Variants in ROBO2 observed in about 807,000 individuals in gnomAD.
ROBO2 encodes the protein roundabout guidance receptor 2.
ROBO2 carries 53 observed loss-of-function variants against 160.8 expected under a neutral mutation model. That is an observed-to-expected ratio of 0.33 (90% confidence interval 0.26 to 0.41). ROBO2 has a LOEUF of 0.41. Among genes scored for constraint, ROBO2 ranks in the 10% least tolerant of loss-of-function variants. ROBO2 has a pLI of 1.00. For synonymous variants in ROBO2, 664 were observed against 611.7 expected (o/e 1.09, Z -1.26); for missense variants, 1,577 against 1,722.4 (o/e 0.92, Z 1.49).
chr3:76,493,500 T>C (rs1456954828), intron 2 of ROBO2, among the ~76,000 whole-genome samples: 4 of 151,856 alleles, frequency 2.6e-5, no homozygotes, highest in Admixed American at 6.6e-5. Context: ...TGTTTGTCCA[T>C]ATCCAATTTT....
chr3:76,284,289 A>T (rs1708397451), intron 2 of ROBO2, among the ~76,000 whole-genome samples: 2 of 152,136 alleles, frequency 1.3e-5, no homozygotes, highest in African/African-American at 4.8e-5. Flanking sequence ...TATTCTGTTG[A>T]GAAGCTTGCC....
chr3:76,182,740 A>G (rs1701569902), intron 2 of ROBO2, among the ~76,000 whole-genome samples: 1 of 152,142 alleles, frequency 6.6e-6, no homozygotes, highest in Non-Finnish European at 1.5e-5. Flanking sequence ...CAAAACTAAT[A>G]TCCTTCCTTG....
At chr3:77,052,167 T>G (rs2149700144) in intron 1 of ROBO2, among the ~76,000 whole-genome samples, 1 of 152,318 alleles carries the variant, frequency 6.6e-6, no homozygotes, top group African/African-American at 2.4e-5. Context: ...GTGTATTTAG[T>G]AAGAGAAAGA....
At chr3:76,028,318 T>C (rs562738281) in intron 2 of ROBO2, among the ~76,000 whole-genome samples, 1 of 152,002 alleles carries the variant, frequency 6.6e-6, no homozygotes, top group African/African-American at 2.4e-5. Context: ...TAGGCTCAAA[T>C]TATCTATGGA....
At chr3:76,319,731 AT>A (rs928631940) in intron 2 of ROBO2, among the ~76,000 whole-genome samples, 2 of 149,918 alleles carry the variant, frequency 1.3e-5, no homozygotes, top group African/African-American at 2.5e-5. Flanking sequence ...GTTTATTTAT[AT>A]TTTTTTCCCA....
intron 2 of ROBO2, among the ~76,000 whole-genome samples, chr3:77,021,983 A>G (rs1310475029): frequency 6.6e-6 from 1 of 152,290 alleles, no homozygotes; most frequent in East Asian, 1.9e-4. Context: ...GCTCATACCT[A>G]TAATCCCAAC....
At chr3:77,303,958 C>T (rs1580890464) in intron 2 of ROBO2, among the ~76,000 whole-genome samples, 1 of 152,044 alleles carries the variant, frequency 6.6e-6, no homozygotes, top group South Asian at 2.1e-4. Flanking sequence ...AAATGAAATG[C>T]GGTGTGACAG....
At chr3:77,073,707 C>T (rs974725661) in intron 1 of ROBO2, among the ~76,000 whole-genome samples, 2 of 152,174 alleles carry the variant, frequency 1.3e-5, no homozygotes, top group African/African-American at 4.8e-5. Flanking sequence ...TTTCTGTCGA[C>T]ATGAATAGTA....
chr3:76,446,277 A>G (rs1401242174), intron 2 of ROBO2, among the ~76,000 whole-genome samples: 1 of 152,100 alleles, frequency 6.6e-6, no homozygotes, highest in South Asian at 2.1e-4. Flanking sequence ...TCATGGGTGA[A>G]CTCTCATTCA....
rs547567539 is a variant in ROBO2 at position 77,271,787 on chromosome 3, G to C, written c.388+173447G>C. On this transcript the variant is annotated intron_variant, in intron 2 of 25. Coordinates refer to ENST00000461745, the Ensembl canonical transcript of ROBO2. Reference sequence around the variant, plus strand: ...TGTAGTAAAATTTGATGCCCCCATGGGCCCTGACTTTACCTTTATCATGTA... The same window carrying C: ...TGTAGTAAAATTTGATGCCCCCATGCGCCCTGACTTTACCTTTATCATGTA... Among the ~76,000 whole-genome samples the C allele has an allele frequency of 2.6e-5, 4 of 152,258 alleles. No individual in the cohort carries two copies. In the South Asian group the frequency reaches 8.3e-4, roughly 32 times the overall value.
intron 2 of ROBO2, among the ~76,000 whole-genome samples, chr3:76,127,597 A>AAATATAT (rs879328622): frequency 8.5e-6 from 1 of 118,336 alleles, no homozygotes; most frequent in East Asian, 4.5e-4. Context: ...GGTTTGAAAA[A>AAATATAT]ATATATATAT....
intron 2 of ROBO2, among the ~76,000 whole-genome samples, chr3:76,158,209 C>G (rs746122799): frequency 3.9e-5 from 6 of 152,098 alleles, no homozygotes; most frequent in Non-Finnish European, 5.9e-5. Flanking sequence ...CATCTCTGCT[C>G]TTACTACCAT....
At chr3:75,930,534 C>T (rs536078039) in intron 1 of ROBO2, among the ~76,000 whole-genome samples, 23 of 152,030 alleles carry the variant, frequency 1.5e-4, no homozygotes, top group Non-Finnish European at 3.2e-4. Context: ...GCTCTTTTTT[C>T]TCTACACACA....
intron 9 of ROBO2, among the ~76,000 whole-genome samples, chr3:77,558,497 C>T (rs935588075): frequency 3.3e-5 from 5 of 151,924 alleles, no homozygotes; most frequent in Non-Finnish European, 5.9e-5. Context: ...TACTTTCATT[C>T]GCAAAAGAAA....
chr3:77,211,935 A>T (rs369268364), intron 2 of ROBO2, among the ~76,000 whole-genome samples: 17 of 151,502 alleles, frequency 1.1e-4, no homozygotes, highest in Non-Finnish European at 2.9e-5. Flanking sequence ...TTGGTCTATA[A>T]CTCTGTTTTG....
chr3:77,473,440 CTTTTTTTTTTTTTTTTTTTTTT>C (rs71104688), intron 2 of ROBO2, among the ~76,000 whole-genome samples: 3 of 77,922 alleles, frequency 3.9e-5, no homozygotes, highest in South Asian at 5.3e-4. Context: ...ACAAACTGCT[CTTTTTTTTTTTTTTTTTTTTTT>C]TTTTTTTTTT....
intron 2 of ROBO2, among the ~76,000 whole-genome samples, chr3:76,626,254 A>C (rs937910259): frequency 6.6e-6 from 1 of 152,180 alleles, no homozygotes; most frequent in African/African-American, 2.4e-5. Flanking sequence ...TGTTTTCACT[A>C]TGTGAAGGTG....
At chr3:76,991,686 C>T (rs1224944505) in intron 2 of ROBO2, among the ~76,000 whole-genome samples, 1 of 152,142 alleles carries the variant, frequency 6.6e-6, no homozygotes, top group Non-Finnish European at 1.5e-5. Context: ...GTTAGATTAA[C>T]ATATTATGCT....
chr3:76,567,654 C>CATATATATATATATATATAT (rs1259065851), intron 2 of ROBO2, among the ~76,000 whole-genome samples: 1 of 41,638 alleles, frequency 2.4e-5, no homozygotes, highest in Non-Finnish European at 4.4e-5. Context: ...TATATATATA[C>CATATATATATATATATATAT]ACATACACAT....
Sources: gnomAD v4.1 joint callset for allele counts (sites outside exome capture counted in the v4.1 genomes callset) on GRCh38, gnomAD v4.1.1 for gene constraint, MANE v1.5 for transcripts, NCBI Gene and HGNC (gene_info 2026-07-23, HGNC 2026-07-21) for gene names.